Variants in NTM observed in about 807,000 individuals in gnomAD.
The protein encoded by NTM is neurotrimin.
NTM carries 13 observed loss-of-function variants against 42.1 expected under a neutral mutation model. The observed-to-expected ratio is 0.31, with a 90% confidence interval of 0.20 to 0.49. The LOEUF (loss-of-function observed/expected upper bound fraction) is 0.49, where lower values mean the gene tolerates loss of function less well. NTM is among the 20% of genes least tolerant of loss of function. NTM has a pLI of 0.99. For missense variants in NTM, 373 were observed against 452.8 expected (o/e 0.82, Z 1.60); for synonymous variants, 187 against 179.2 (o/e 1.04, Z -0.35).
At chr11:132,280,065 G>A (rs949166429) in intron 4 of NTM, among the ~76,000 whole-genome samples, 4 of 152,140 alleles carry the variant, frequency 2.6e-5, no homozygotes, top group Admixed American at 6.5e-5. Flanking sequence ...GAACATCAGC[G>A]TTGAATTTTT....
chr11:131,428,718 CT>C (rs1179723954), intron 1 of NTM, among the ~76,000 whole-genome samples: 2 of 151,986 alleles, frequency 1.3e-5, no homozygotes, highest in East Asian at 3.9e-4. Context: ...AAAACCTGGC[CT>C]GATAATTGAA....
At position 131,834,625 on chromosome 11, in the gene NTM, C is replaced by CATATATATATATATATATATAT. The variant is rs10604283; in HGVS notation, c.83-76919_83-76918insATATATATATATATATATATAT. Among the ~76,000 whole-genome samples the CATATATATATATATATATATAT allele has an allele frequency of 9.6e-3, 1,283 of 133,680 alleles. 16 individuals carry two copies. Among genetic ancestry groups the CATATATATATATATATATATAT allele is most frequent in the Middle Eastern group, 0.016 (4 of 244 alleles). 87.7% of individuals were successfully genotyped at this position (133,680 alleles called of 152,430 possible). ...TAGTGTGTGTATATATATACATATA[C>CATATATATATATATATATATAT]ATATATATATATATATATATGTATA... On this transcript the variant is annotated intron_variant, in intron 1 of 8. Transcript: ENST00000683400.
chr11:131,777,407 G>A (rs922153324), intron 1 of NTM, among the ~76,000 whole-genome samples: 7 of 151,264 alleles, frequency 4.6e-5, no homozygotes, highest in African/African-American at 1.7e-4. Context: ...TAAACCACGT[G>A]TTTCTCTCCC....
intron 3 of NTM, among the ~76,000 whole-genome samples, chr11:132,147,291 T>G (rs2137353299): frequency 6.6e-6 from 1 of 151,566 alleles, no homozygotes; most frequent in South Asian, 2.1e-4. Context: ...AGCTCACCTC[T>G]TCCCACAAGG....
intron 2 of NTM, among the ~76,000 whole-genome samples, chr11:132,105,670 CTTAA>C (rs2062274901): frequency 6.6e-6 from 1 of 152,110 alleles, no homozygotes; most frequent in Non-Finnish European, 1.5e-5. Context: ...ACTAATTGTC[CTTAA>C]TTGTCATGAG....
chr11:131,501,283 G>A (rs1200000901), intron 1 of NTM, among the ~76,000 whole-genome samples: 1 of 152,180 alleles, frequency 6.6e-6, no homozygotes, highest in Non-Finnish European at 1.5e-5. Flanking sequence ...GGGGCAGCCT[G>A]GGGGCTTTGG....
At chr11:131,481,315 G>T (rs544203611) in intron 1 of NTM, among the ~76,000 whole-genome samples, 3 of 152,344 alleles carry the variant, frequency 2.0e-5, no homozygotes, top group South Asian at 4.1e-4. Context: ...GACGGTGAAA[G>T]TGTGTGGCTC....
intron 1 of NTM, among the ~76,000 whole-genome samples, chr11:131,780,195 G>C (rs543826480): frequency 2.0e-5 from 3 of 152,136 alleles, no homozygotes; most frequent in African/African-American, 7.2e-5. Context: ...TGTGAGGCAC[G>C]AAATAGGAAG....
At chr11:132,188,881 T>C (rs527512633) in intron 3 of NTM, among the ~76,000 whole-genome samples, 1 of 152,314 alleles carries the variant, frequency 6.6e-6, no homozygotes, top group African/African-American at 2.4e-5. Context: ...ATTGACAGTG[T>C]GCATGGGAGC....
intron 4 of NTM, among the ~76,000 whole-genome samples, chr11:132,237,072 C>T (rs1246445065): frequency 1.3e-5 from 2 of 152,344 alleles, no homozygotes; most frequent in East Asian, 3.9e-4. Context: ...GCTGGTTGAG[C>T]TCATTCCACC....
chr11:131,886,434 G>T (rs1036434), intron 1 of NTM, among the ~76,000 whole-genome samples: 55,136 of 152,068 alleles, frequency 0.36, 10,535 homozygotes, highest in East Asian at 0.5. Context: ...CCCCACCTGG[G>T]GATGCAATGG....
At chr11:132,264,658 A>G (rs2093068530) in intron 4 of NTM, among the ~76,000 whole-genome samples, 1 of 152,224 alleles carries the variant, frequency 6.6e-6, no homozygotes, top group Non-Finnish European at 1.5e-5. Context: ...TAAAGAGATG[A>G]ATGAATTAAA....
At chr11:131,377,949 A>G (rs1228159321) in intron 1 of NTM, among the ~76,000 whole-genome samples, 3 of 152,164 alleles carry the variant, frequency 2.0e-5, no homozygotes, top group African/African-American at 7.2e-5. Flanking sequence ...CCAATTATAC[A>G]TTGCCCAACT....
chr11:131,918,930 A>T (rs918071029), intron 2 of NTM, among the ~76,000 whole-genome samples: 1 of 152,166 alleles, frequency 6.6e-6, no homozygotes, highest in Admixed American at 6.5e-5. Flanking sequence ...GGCTTTAGGT[A>T]TCAGCAATCT....
intron 6 of NTM, among the ~76,000 whole-genome samples, chr11:132,312,222 A>G (rs1253767481): frequency 1.3e-5 from 2 of 152,224 alleles, no homozygotes; most frequent in Non-Finnish European, 2.9e-5. Context: ...GGGGAAGGCC[A>G]GCTCTAGCCC....
intron 1 of NTM, among the ~76,000 whole-genome samples, chr11:131,530,414 A>G (rs1259914823): frequency 7.2e-6 from 1 of 139,130 alleles, no homozygotes; most frequent in African/African-American, 3.0e-5. Flanking sequence ...AGTAAAGTTG[A>G]GTGCCTTTCT....
chr11:131,632,692 T>TTTTTTTA (rs2063776976), intron 1 of NTM, among the ~76,000 whole-genome samples: 1 of 142,550 alleles, frequency 7.0e-6, no homozygotes, highest in Non-Finnish European at 1.5e-5. Context: ...TTTTTTTTTT[T>TTTTTTTA]GAGACGGAGT....
At chr11:131,560,999 A>G (rs1056618832) in intron 1 of NTM, among the ~76,000 whole-genome samples, 4 of 152,194 alleles carry the variant, frequency 2.6e-5, no homozygotes, top group African/African-American at 7.2e-5. Flanking sequence ...GTGGCGTGCA[A>G]GATCACCCTG....
intron 1 of NTM, among the ~76,000 whole-genome samples, chr11:131,657,438 A>G (rs889108056): frequency 1.3e-5 from 2 of 152,244 alleles, no homozygotes; most frequent in Non-Finnish European, 2.9e-5. Context: ...GTCAGCAGGT[A>G]GCTGCTCGCA....
Sources: allele counts gnomAD v4.1 joint callset (sites outside exome capture counted in the v4.1 genomes callset), GRCh38; gene constraint gnomAD v4.1.1; transcripts MANE v1.5; gene names NCBI Gene and HGNC (gene_info 2026-07-23, HGNC 2026-07-21).